Variants in NTM observed in about 807,000 individuals in gnomAD.
The protein encoded by NTM is neurotrimin, also known as IgLON family member 2.
In NTM, 13 loss-of-function variants were observed where a neutral mutation model predicts 42.1. The ratio of observed to expected loss-of-function variants is 0.31; its 90% CI spans 0.20 to 0.49. NTM has a LOEUF of 0.49. Ranked by LOEUF, NTM falls within the 20% of genes least tolerant of loss-of-function variation. NTM has a pLI of 0.99. For synonymous variants in NTM, 187 were observed against 179.2 expected (o/e 1.04, Z -0.35); for missense variants, 373 against 452.8 (o/e 0.82, Z 1.60).
intron 1 of NTM, among the ~76,000 whole-genome samples, chr11:131,862,509 A>G (rs73587516): frequency 0.023 from 3,469 of 152,298 alleles, 134 homozygotes; most frequent in African/African-American, 0.079. Context: ...CTTGAGAATG[A>G]ACACAATTGC....
intron 1 of NTM, among the ~76,000 whole-genome samples, chr11:131,673,014 T>TTTAGGC (rs2070683078): frequency 7.4e-6 from 1 of 135,642 alleles, no homozygotes; most frequent in African/African-American, 2.9e-5. Flanking sequence ...CCTTGTCTAT[T>TTTAGGC]TCCCTTAAAA....
At chr11:132,080,526 A>G (rs1430347733) in intron 2 of NTM, among the ~76,000 whole-genome samples, 1 of 152,246 alleles carries the variant, frequency 6.6e-6, no homozygotes, top group Admixed American at 6.5e-5. Flanking sequence ...ACTGGGCACC[A>G]TGATAAAATG....
At chr11:132,090,142 A>G (rs1331989613) in intron 2 of NTM, among the ~76,000 whole-genome samples, 4 of 152,216 alleles carry the variant, frequency 2.6e-5, no homozygotes, top group African/African-American at 9.6e-5. Context: ...AAAGACAGTT[A>G]AAAAGTGACG....
At chr11:132,041,236 AG>A (rs1191644754) in intron 2 of NTM, among the ~76,000 whole-genome samples, 4 of 131,524 alleles carry the variant, frequency 3.0e-5, no homozygotes, top group East Asian at 2.0e-4. Context: ...ATAGATAGAG[AG>A]AGAGAGAGAG....
chr11:131,515,702 G>A (rs1240162522), intron 1 of NTM, among the ~76,000 whole-genome samples: 2 of 152,208 alleles, frequency 1.3e-5, no homozygotes, highest in Non-Finnish European at 2.9e-5. Flanking sequence ...TAAACTTACA[G>A]AGTTATGACC....
chr11:131,960,166 C>T (rs2134487918), intron 2 of NTM, among the ~76,000 whole-genome samples: 1 of 152,292 alleles, frequency 6.6e-6, no homozygotes, highest in South Asian at 2.1e-4. Context: ...CAAGTTAAGG[C>T]CTACTTCCAC....
intron 1 of NTM, among the ~76,000 whole-genome samples, chr11:131,719,116 C>T (rs1024920261): frequency 3.3e-5 from 5 of 152,044 alleles, no homozygotes; most frequent in East Asian, 1.9e-4. Context: ...TGCCATGTCA[C>T]TCAGGCTGGT....
At chr11:131,768,060 A>G (rs910238543) in intron 1 of NTM, among the ~76,000 whole-genome samples, 1 of 150,770 alleles carries the variant, frequency 6.6e-6, no homozygotes. Context: ...TTTTTGGTCC[A>G]TGATTAGAGT....
intron 2 of NTM, among the ~76,000 whole-genome samples, chr11:132,096,610 GTC>G (rs1350465880): frequency 2.0e-5 from 3 of 152,302 alleles, no homozygotes; most frequent in Admixed American, 6.5e-5. Flanking sequence ...CAATTCTGCA[GTC>G]TCAGACCCAC....
intron 1 of NTM, among the ~76,000 whole-genome samples, chr11:131,474,304 C>A (rs191332022): frequency 3.9e-5 from 6 of 152,244 alleles, no homozygotes; most frequent in Non-Finnish European, 8.8e-5. Context: ...GCCCATTCCC[C>A]TTTCCCAGTT....
At position 131,440,521 on chromosome 11, in the gene NTM, G is replaced by A. The variant is rs192365941; in HGVS notation, c.82+69633G>A. 6.6e-3 allele frequency among the ~76,000 whole-genome samples: 1,002 copies of A among 152,074 alleles called. 5 individuals carry two copies. Among genetic ancestry groups the A allele is most frequent in the Middle Eastern group, 0.014 (4 of 294 alleles). On this transcript the variant is annotated intron_variant, in intron 1 of 8. Transcript: ENST00000683400. ...CTTAGACATGCATCAGAATCCCTGG[G>A]GAGCCTGGGACAACACAGTCTGCTA...
At chr11:131,679,665 CT>C (rs1043386554) in intron 1 of NTM, among the ~76,000 whole-genome samples, 1 of 151,350 alleles carries the variant, frequency 6.6e-6, no homozygotes, top group African/African-American at 2.4e-5. Flanking sequence ...CTAGTGCCCC[CT>C]AGTAAGGTAG....
At chr11:131,439,128 G>C (rs992139469) in intron 1 of NTM, among the ~76,000 whole-genome samples, 1 of 152,176 alleles carries the variant, frequency 6.6e-6, no homozygotes, top group African/African-American at 2.4e-5. Flanking sequence ...CTGCAGAATA[G>C]CAGATATTGC....
chr11:132,321,735 C>G (rs1367293610), intron 7 of NTM, among the ~76,000 whole-genome samples: 4 of 150,230 alleles, frequency 2.7e-5, no homozygotes, highest in Non-Finnish European at 5.9e-5. Context: ...GTCAGATTCA[C>G]CAAAGTTGAA....
chr11:131,852,928 A>C, intron 1 of NTM, among the ~76,000 whole-genome samples: 1 of 149,496 alleles, frequency 6.7e-6, no homozygotes, highest in African/African-American at 2.5e-5. Context: ...CCACCCACCC[A>C]TCCATCCATC....
Position 132,003,501 on chromosome 11 carries a change from C to T in NTM, c.167+91853C>T, listed in dbSNP as rs1285775005. ...GCTCAAGCGATCCTTCTGGCTCAGA[C>T]CTCCAATGTGCTGGGATTATAAGCA... On this transcript the variant is annotated intron_variant, in intron 2 of 8. Transcript: ENST00000683400. The surrounding 1 kb of genome is among the most constrained non-coding windows in gnomAD (Gnocchi z 6.0). 6.6e-6 allele frequency among the ~76,000 whole-genome samples: 1 copy of T among 152,138 alleles called. No individual in the cohort carries two copies. The highest frequency in any genetic ancestry group is 6.5e-5 in the Admixed American group (1 of 15,274).
intron 1 of NTM, among the ~76,000 whole-genome samples, chr11:131,846,503 A>G (rs1173951257): frequency 2.0e-5 from 3 of 152,216 alleles, no homozygotes; most frequent in African/African-American, 7.2e-5. Context: ...CTTAAATACT[A>G]TACTGTTTTA....
intron 1 of NTM, among the ~76,000 whole-genome samples, chr11:131,691,162 G>A (rs1032736894): frequency 1.3e-5 from 2 of 152,182 alleles, no homozygotes; most frequent in Non-Finnish European, 2.9e-5. Context: ...CGCACCAGGG[G>A]CCCAGGCCAC....
rs536900808 is a variant in NTM at position 132,276,827 on chromosome 11, T to C, written c.527-30862T>C. On this transcript the variant is annotated intron_variant, in intron 4 of 8. Transcript: ENST00000683400. Reference sequence around the variant, plus strand: ...GCCTTTATCCCTTACGATTCAGCAGTAAGTCTTACTCTACCATTGTTAAAA... The same window carrying C: ...GCCTTTATCCCTTACGATTCAGCAGCAAGTCTTACTCTACCATTGTTAAAA... 1.8e-4 allele frequency among the ~76,000 whole-genome samples: 27 copies of C among 152,304 alleles called. No individual in the cohort carries two copies. The South Asian group carries it at 2.5e-3, about 14-fold the overall frequency.
Sources: gnomAD v4.1 joint callset for allele counts (sites outside exome capture counted in the v4.1 genomes callset) on GRCh38, gnomAD v4.1.1 for gene constraint, Gnocchi (gnomAD v3.1) non-coding constraint, MANE v1.5 for transcripts, NCBI Gene and HGNC (gene_info 2026-07-23, HGNC 2026-07-21) for gene names.